MMP20: variants seen among roughly 807,000 people sequenced by gnomAD.
MMP20 encodes the protein matrix metallopeptidase 20, also known as matrix metalloproteinase-20.
A neutral mutation model predicts 51.8 loss-of-function variants in MMP20; 50 were observed. The ratio of observed to expected loss-of-function variants is 0.97; its 90% CI spans 0.77 to 1.22. The LOEUF (loss-of-function observed/expected upper bound fraction) is 1.22. MMP20 is among the 50% of genes most tolerant of loss of function. The probability of loss-of-function intolerance (pLI) is 0.00; values close to 1 mark genes in which losing one functional copy is unlikely to be tolerated. For synonymous variants in MMP20, 244 were observed against 216.2 expected, an observed-to-expected ratio of 1.13 and a Z score of -1.13; for missense variants, 663 against 601.4, an observed-to-expected ratio of 1.10 and a Z score of -1.07.
Position 102,593,436 on chromosome 11 carries a change from T to A in MMP20, c.1247+3A>T. ...TAGATAGTAAAAAGGAAAAAAGCCA[T>A]ACCTGTAGTATTCATCTCCCACAAA... is the stretch of plus-strand genomic sequence containing the variant. On this transcript the variant is annotated splice_donor_region_variant and intron_variant, in intron 8 of 9. Transcript: ENST00000260228. The A allele has an allele frequency of 6.2e-7, 1 of 1,613,696 alleles. No individual in the cohort carries two copies. The highest frequency in any genetic ancestry group is 1.7e-5 in the Admixed American group (1 of 59,998).
At chr11:102,615,063 T>C (rs1859650280) in intron 2 of MMP20, among the ~76,000 whole-genome samples, 1 of 147,854 alleles carries the variant, frequency 6.8e-6, no homozygotes, top group Non-Finnish European at 1.5e-5. Context: ...ATTAATGTAA[T>C]TATTTAATAT....
Position 102,579,127 on chromosome 11 carries a change from T to C in MMP20, c.1263A>G (p.Lys421=). The C allele has an allele frequency of 1.9e-6, 3 of 1,612,350 alleles. No individual in the cohort carries two copies. The highest frequency in any genetic ancestry group is 2.2e-5 in the South Asian group (2 of 91,016). The change falls in exon 9 of 10, where the codon AAA becomes AAG. Residue 421 remains lysine (K), a synonymous_variant. Coordinates refer to ENST00000260228, the MANE Select transcript of MMP20 (RefSeq NM_004771.4). ...TTGGATAGTCTTTTTCCATTTTCCT[T>C]TTCCTTTCGTCGTAGCTAGAAAAAG... ...GDEYYSYDER[K]RKMEKDYPKN... is the part of the protein sequence containing the mutation.
Position 102,616,894 on chromosome 11 carries a change from G to T in MMP20, c.292C>A (p.Pro98Thr), listed in dbSNP as rs1188250629. 7 of 1,614,208 alleles carry T rather than the reference G, an allele frequency of 4.3e-6. No individual in the cohort carries two copies. Among genetic ancestry groups the T allele is most frequent in the African/African-American group, 2.7e-5 (2 of 75,048 alleles). The stretch of plus-strand genomic sequence containing the variant: ...GCCACATCAGGAACTCCACAGCGAG[G>T]CTTCTTGATCACGTTCATTGTGGTC... ...DQTTMNVIKKPRCGVPDVANY... is the reference protein window; with the variant it reads ...DQTTMNVIKKTRCGVPDVANY... The change falls in exon 2 of 10, where the codon CCT (proline) becomes ACT (threonine). Residue 98 changes from proline to threonine, a missense_variant. By Grantham distance (38) the Pro-to-Thr change is conservative (BLOSUM62 -1). Transcript: ENST00000260228.
At chr11:102,613,790 T>C (rs1341662573) in intron 2 of MMP20, among the ~76,000 whole-genome samples, 1 of 152,190 alleles carries the variant, frequency 6.6e-6, no homozygotes, top group African/African-American at 2.4e-5. Flanking sequence ...AGACAGACCC[T>C]TAAAGGGACT....
intron 6 of MMP20, among the ~76,000 whole-genome samples, chr11:102,600,059 C>T (rs185465764): frequency 6.6e-6 from 1 of 152,348 alleles, no homozygotes; most frequent in African/African-American, 2.4e-5. Flanking sequence ...TGTTACTTCA[C>T]CTCTGCTTCT....
At chr11:102,619,793 A>G (rs1859724851) in intron 1 of MMP20, among the ~76,000 whole-genome samples, 1 of 149,992 alleles carries the variant, frequency 6.7e-6, no homozygotes. Flanking sequence ...TTTTTTTACT[A>G]TGAACCTGCG....
intron 6 of MMP20, 120 bp downstream of exon 6, chr11:102,606,415 G>C: frequency 7.5e-7 from 1 of 1,336,502 alleles, no homozygotes; most frequent in Admixed American, 1.9e-5. Context: ...CCCTTCTGCT[G>C]CATAGGACAG....
intron 6 of MMP20, among the ~76,000 whole-genome samples, chr11:102,598,609 C>A (rs1320512851): frequency 6.6e-6 from 1 of 152,206 alleles, no homozygotes; most frequent in Non-Finnish European, 1.5e-5. Flanking sequence ...AGAACAGTAA[C>A]TAACTCATCA....
intron 1 of MMP20, among the ~76,000 whole-genome samples, chr11:102,617,551 T>C (rs192295170): frequency 4.1e-4 from 62 of 152,330 alleles, no homozygotes; most frequent in Non-Finnish European, 7.9e-4. Flanking sequence ...CTTAAAGGCA[T>C]TGTATTCCAG....
At chr11:102,596,540 T>G (rs2135935212) in intron 6 of MMP20, among the ~76,000 whole-genome samples, 1 of 152,210 alleles carries the variant, frequency 6.6e-6, no homozygotes, top group East Asian at 1.9e-4. Flanking sequence ...GAAAAGGTAT[T>G]ATTTGCTTAG....
At chr11:102,623,340 G>A (rs963422854) in intron 1 of MMP20, among the ~76,000 whole-genome samples, 1 of 152,120 alleles carries the variant, frequency 6.6e-6, no homozygotes, top group Non-Finnish European at 1.5e-5. Flanking sequence ...GGTGAGTGGC[G>A]GGCCAGCATT....
At position 102,585,767 on chromosome 11, in the gene MMP20, C is replaced by T. The variant is rs74432894; in HGVS notation, c.1248-6625G>A. On this transcript the variant is annotated intron_variant, in intron 8 of 9. Transcript: ENST00000260228. ...TAGACGCTCTTTATTGATTTGAAAA[C>T]GGTTATTTTTATTCCTAGGTTTTAT... 6.2e-3 allele frequency among the ~76,000 whole-genome samples: 948 copies of T among 152,220 alleles called. 17 individuals carry two copies. Among genetic ancestry groups the T allele is most frequent in the African/African-American group, 0.021 (875 of 41,540 alleles).
At chr11:102,593,397 T>C (rs559285776) in intron 8 of MMP20, 42 bp downstream of exon 8, 6 of 1,591,164 alleles carry the variant, frequency 3.8e-6, no homozygotes, top group African/African-American at 2.7e-5. Context: ...AAAATCATTC[T>C]CATTAAATAA....
At chr11:102,616,448 A>C (rs1037152696) in intron 2 of MMP20, among the ~76,000 whole-genome samples, 1 of 152,244 alleles carries the variant, frequency 6.6e-6, no homozygotes, top group African/African-American at 2.4e-5. Flanking sequence ...GGAATCAATG[A>C]AATAAATTAC....
chr11:102,615,497 G>A (rs1241876886), intron 2 of MMP20, among the ~76,000 whole-genome samples: 2 of 152,072 alleles, frequency 1.3e-5, no homozygotes, highest in African/African-American at 2.4e-5. Context: ...ACTATTGCAC[G>A]AGTCCAGCCT....
intron 8 of MMP20, among the ~76,000 whole-genome samples, chr11:102,586,685 C>T (rs1182252564): frequency 1.3e-5 from 2 of 151,994 alleles, no homozygotes; most frequent in Middle Eastern, 3.4e-3. Flanking sequence ...GGCATGGTGG[C>T]GGGTGCCTGT....
At chr11:102,599,311 T>C (rs567918512) in intron 6 of MMP20, among the ~76,000 whole-genome samples, 5 of 152,298 alleles carry the variant, frequency 3.3e-5, no homozygotes, top group South Asian at 4.1e-4. Flanking sequence ...TGAGCCACCA[T>C]GCCGGCCTCT....
chr11:102,605,444 G>T (rs1859502828), intron 6 of MMP20: 1 of 151,902 alleles, frequency 6.6e-6, no homozygotes, highest in African/African-American at 2.4e-5. Context: ...GGAGCAAAAA[G>T]TATTCTTATA....
At chr11:102,612,829 C>A (rs1426813654) in intron 2 of MMP20, among the ~76,000 whole-genome samples, 1 of 151,434 alleles carries the variant, frequency 6.6e-6, no homozygotes, top group African/African-American at 2.4e-5. Flanking sequence ...CACTGCCTCC[C>A]AGGTTCAATT....
Sources: allele counts gnomAD v4.1 joint callset (sites outside exome capture counted in the v4.1 genomes callset), GRCh38; gene constraint gnomAD v4.1.1; transcripts MANE v1.5; gene names NCBI Gene and HGNC (gene_info 2026-07-23, HGNC 2026-07-21).